NEK10: variants seen among roughly 807,000 people sequenced by gnomAD.
NEK10 encodes NIMA related kinase 10.
A neutral mutation model predicts 159.8 loss-of-function variants in NEK10; 122 were observed. The ratio of observed to expected loss-of-function variants is 0.76; its 90% CI spans 0.66 to 0.89. The LOEUF (loss-of-function observed/expected upper bound fraction) is 0.89. NEK10 is among the 40% of genes least tolerant of loss of function. The probability of loss-of-function intolerance (pLI) is 0.00; values close to 1 mark genes in which losing one functional copy is unlikely to be tolerated. For synonymous variants in NEK10, 466 were observed against 457.1 expected, an observed-to-expected ratio of 1.02 and a Z score of -0.25; for missense variants, 1,342 against 1,323.1, an observed-to-expected ratio of 1.01 and a Z score of -0.22.
intron 29 of NEK10, among the ~76,000 whole-genome samples, chr3:27,170,495 G>A (rs551120478): frequency 2.6e-5 from 4 of 152,212 alleles, no homozygotes; most frequent in Non-Finnish European, 4.4e-5. Flanking sequence ...ACTTTGGGAG[G>A]CTAAGGTGGG....
chr3:27,344,621 T>C (rs552439552), intron 4 of NEK10, among the ~76,000 whole-genome samples: 59 of 152,332 alleles, frequency 3.9e-4, no homozygotes, highest in African/African-American at 1.4e-3. Flanking sequence ...AGCATATGTA[T>C]TTCCTTTTAT....
chr3:27,293,678 C>G, intron 15 of NEK10, 26 bp from the exon 16 acceptor site: 1 of 1,248,972 alleles, frequency 8.0e-7, no homozygotes, highest in Non-Finnish European at 1.2e-6. Flanking sequence ...ATATGTGATT[C>G]TCAAATGGTA....
intron 29 of NEK10, among the ~76,000 whole-genome samples, chr3:27,167,570 G>T (rs1946599327): frequency 6.6e-6 from 1 of 152,162 alleles, no homozygotes; most frequent in Non-Finnish European, 1.5e-5. Flanking sequence ...GCTATGACTT[G>T]CTGGATTAGA....
intron 5 of NEK10, among the ~76,000 whole-genome samples, chr3:27,326,898 G>C (rs1421792466): frequency 6.6e-6 from 1 of 152,194 alleles, no homozygotes; most frequent in African/African-American, 2.4e-5. Flanking sequence ...TGAAGTGCTG[G>C]TGTTCAAGGA....
intron 30 of NEK10, among the ~76,000 whole-genome samples, chr3:27,152,150 G>A (rs1348653579): frequency 6.6e-6 from 1 of 152,062 alleles, no homozygotes; most frequent in African/African-American, 2.4e-5. Context: ...AGAACACCTG[G>A]GAAATTCATT....
chr3:27,291,259 C>T lies in NEK10; in HGVS notation c.1605+3G>A. The T allele has an allele frequency of 6.2e-7, 1 of 1,609,802 alleles. No homozygotes were observed. The highest frequency in any genetic ancestry group is 8.5e-7 in the Non-Finnish European group (1 of 1,178,844). ...CAGAAATGTTCCCCAAGGGGAAAGT[C>T]ACCTTGTAAACACAGCCAAAAGCTC... is the stretch of plus-strand genomic sequence containing the variant. On this transcript the variant is annotated splice_donor_region_variant and intron_variant, in intron 18 of 35. Transcript: ENST00000691995.
chr3:27,356,153 C>G (rs2048311863), intron 1 of NEK10, among the ~76,000 whole-genome samples: 1 of 152,072 alleles, frequency 6.6e-6, no homozygotes, highest in Non-Finnish European at 1.5e-5. Context: ...TGGGCACTTA[C>G]CAGACACCAA....
chr3:27,307,069 C>A (rs1160439560), intron 11 of NEK10, among the ~76,000 whole-genome samples: 1 of 152,248 alleles, frequency 6.6e-6, no homozygotes, highest in Middle Eastern at 3.4e-3. Flanking sequence ...CACTGTTTGA[C>A]CCTCTTCTAC....
chr3:27,166,376 T>A (rs1408813311), intron 29 of NEK10, among the ~76,000 whole-genome samples: 1 of 152,036 alleles, frequency 6.6e-6, no homozygotes, highest in Non-Finnish European at 1.5e-5. Context: ...TCTTACTATG[T>A]GTTTTTTTGT....
intron 23 of NEK10, chr3:27,255,239 T>A (rs1243818446): frequency 2.5e-6 from 1 of 405,064 alleles, no homozygotes; most frequent in Non-Finnish European, 4.9e-6. Flanking sequence ...AGACATCATA[T>A]AAGCTTGCAG....
At chr3:27,356,950 G>C (rs1337016271) in intron 1 of NEK10, among the ~76,000 whole-genome samples, 1 of 152,182 alleles carries the variant, frequency 6.6e-6, no homozygotes, top group Admixed American at 6.5e-5. Context: ...TGTAAGCATG[G>C]CATAAGCCCT....
intron 23 of NEK10, chr3:27,215,904 A>G (rs771619321): frequency 4.9e-5 from 34 of 690,072 alleles, no homozygotes; most frequent in Admixed American, 1.0e-4. Context: ...GATCACACGA[A>G]AACTCACCAT....
chr3:27,283,108 G>A (rs1471546186), intron 22 of NEK10, among the ~76,000 whole-genome samples: 4 of 151,906 alleles, frequency 2.6e-5, no homozygotes, highest in Admixed American at 6.6e-5. Flanking sequence ...TTCTACTTAC[G>A]AAAATTTGGA....
At chr3:27,279,940 C>T (rs3112781) in intron 22 of NEK10, among the ~76,000 whole-genome samples, 3 of 151,942 alleles carry the variant, frequency 2.0e-5, no homozygotes, top group East Asian at 1.9e-4. Context: ...GAGGCCGAGG[C>T]GGGCGGATCA....
intron 5 of NEK10, among the ~76,000 whole-genome samples, chr3:27,328,889 A>G (rs540788330): frequency 7.3e-4 from 111 of 152,324 alleles, no homozygotes; most frequent in Middle Eastern, 3.4e-3. Flanking sequence ...AGAAAACTCA[A>G]AAGTACTGTT....
chr3:27,319,826 CAG>C (rs2045488172), intron 6 of NEK10, among the ~76,000 whole-genome samples: 1 of 152,040 alleles, frequency 6.6e-6, no homozygotes, highest in Admixed American at 6.5e-5. Flanking sequence ...TCCTGTAAAA[CAG>C]AGGATGATAT....
intron 13 of NEK10, 64 bp from the exon 14 acceptor site, chr3:27,297,304 A>G (rs73047864): frequency 0.054 from 55,845 of 1,040,610 alleles, 1,960 homozygotes; most frequent in Middle Eastern, 0.083. Context: ...TCACATAAAT[A>G]CTCTTACTCC....
At chr3:27,365,041 C>A (rs1275795754) in intron 1 of NEK10, among the ~76,000 whole-genome samples, 1 of 152,214 alleles carries the variant, frequency 6.6e-6, no homozygotes. Context: ...AGAACCCTTC[C>A]TGTTAATCTA....
chr3:27,270,868 G>C (rs2041280522), intron 22 of NEK10, among the ~76,000 whole-genome samples: 1 of 145,986 alleles, frequency 6.8e-6, no homozygotes, highest in African/African-American at 2.5e-5. Flanking sequence ...GACTTTTCTA[G>C]TACACACTAT....
Sources: allele counts gnomAD v4.1 joint callset (sites outside exome capture counted in the v4.1 genomes callset), GRCh38; gene constraint gnomAD v4.1.1; transcripts MANE v1.5; gene names NCBI Gene and HGNC (gene_info 2026-07-23, HGNC 2026-07-21).